LARGE1: variants seen among roughly 807,000 people sequenced by gnomAD.
LARGE1 encodes the protein LARGE xylosyl- and glucuronyltransferase 1.
Under a neutral mutation model 87.6 loss-of-function variants are expected in LARGE1, and 43 were observed. That is an observed-to-expected ratio of 0.49 (90% CI 0.38 to 0.63). LARGE1 has a LOEUF of 0.63. Ranked by LOEUF, LARGE1 falls within the 30% of genes least tolerant of loss-of-function variation. The probability of loss-of-function intolerance (pLI) is 0.00; values close to 1 mark genes in which losing one functional copy is unlikely to be tolerated. For missense variants in LARGE1, 802 were observed against 1,000.2 expected (o/e 0.80, Z 2.67); for synonymous variants, 434 against 394.6 (o/e 1.10, Z -1.18).
chr22:33,737,297 T>TGA (rs2083689225), intron 2 of LARGE1, among the ~76,000 whole-genome samples: 1 of 152,198 alleles, frequency 6.6e-6, no homozygotes, highest in Non-Finnish European at 1.5e-5. Context: ...CTGAACTCAC[T>TGA]GAGCATTTAC....
At chr22:33,285,495 G>T (rs1442380873) in intron 12 of LARGE1, among the ~76,000 whole-genome samples, 1 of 152,106 alleles carries the variant, frequency 6.6e-6, no homozygotes, top group East Asian at 1.9e-4. Flanking sequence ...GTGGTGGGGG[G>T]TGCTGGTAGT....
intron 6 of LARGE1, among the ~76,000 whole-genome samples, chr22:33,530,777 G>T (rs571735603): frequency 6.6e-6 from 1 of 152,338 alleles, no homozygotes; most frequent in East Asian, 1.9e-4. Flanking sequence ...GTGATGAACT[G>T]TCATGCAGAT....
chr22:33,541,055 G>A (rs1216394584), intron 6 of LARGE1, among the ~76,000 whole-genome samples: 1 of 37,472 alleles, frequency 2.7e-5, no homozygotes, highest in Non-Finnish European at 5.3e-5. Flanking sequence ...GGTGGGTTGC[G>A]GGGGGGGGGG....
intron 6 of LARGE1, among the ~76,000 whole-genome samples, chr22:33,528,893 G>C (rs963689915): frequency 5.3e-5 from 8 of 152,118 alleles, no homozygotes; most frequent in African/African-American, 1.9e-4. Flanking sequence ...CATTTATTGA[G>C]TGTCTACTAT....
intron 1 of LARGE1, among the ~76,000 whole-genome samples, chr22:33,878,129 C>CTTTTTTTTTTTTTTTTTTTTTATTTT (rs2064535035): frequency 9.0e-5 from 4 of 44,652 alleles, no homozygotes; most frequent in Non-Finnish European, 5.1e-5. Flanking sequence ...TATTGTATTT[C>CTTTTTTTTTTTTTTTTTTTTTATTTT]TTTTTTTTTT....
At chr22:33,905,519 T>C (rs541340383) in intron 1 of LARGE1, among the ~76,000 whole-genome samples, 6 of 152,300 alleles carry the variant, frequency 3.9e-5, no homozygotes, top group African/African-American at 1.4e-4. Flanking sequence ...CACATCACAG[T>C]TTTAAATGGA....
At chr22:33,251,779 T>C (rs1292459706) in intron 11 of LARGE1, among the ~76,000 whole-genome samples, 5 of 152,200 alleles carry the variant, frequency 3.3e-5, no homozygotes, top group Non-Finnish European at 5.9e-5. Context: ...GTCTTTCAGC[T>C]CAGTCTCTCA....
intron 11 of LARGE1, among the ~76,000 whole-genome samples, chr22:33,243,142 T>A (rs758241059): frequency 5.9e-5 from 9 of 152,190 alleles, no homozygotes; most frequent in Non-Finnish European, 1.3e-4. Flanking sequence ...TGAATTTGCA[T>A]GGGGGGCAGT....
intron 2 of LARGE1, among the ~76,000 whole-genome samples, chr22:33,741,307 G>A (rs936828948): frequency 1.3e-5 from 2 of 152,164 alleles, no homozygotes; most frequent in African/African-American, 4.8e-5. Flanking sequence ...CAAATTAAGT[G>A]TCAGAAATAG....
Position 33,717,970 on chromosome 22 carries a change from C to T in LARGE1, c.106+43401G>A, listed in dbSNP as rs1017088476. Among the ~76,000 whole-genome samples the T allele has an allele frequency of 4.6e-5, 7 of 152,150 alleles. 1 individual carries two copies. The highest frequency in any genetic ancestry group is 1.5e-5 in the Non-Finnish European group (1 of 68,030). ...CACTCTGTTTTCATTCCTCCCATCT[C>T]GGCTCTAAAAGTTCCCTTTCTAATC... is the stretch of plus-strand genomic sequence containing the variant. On this transcript the variant is annotated intron_variant, in intron 2 of 14. Coordinates refer to ENST00000397394, the MANE Select transcript of LARGE1 (RefSeq NM_133642.5).
At chr22:33,601,370 G>A (rs921661133) in intron 5 of LARGE1, among the ~76,000 whole-genome samples, 2 of 152,148 alleles carry the variant, frequency 1.3e-5, no homozygotes, top group African/African-American at 4.8e-5. Flanking sequence ...AAGGGACAAA[G>A]ATGAGCTCTC....
chr22:33,616,448 C>G (rs904059367), intron 4 of LARGE1, among the ~76,000 whole-genome samples: 2 of 151,952 alleles, frequency 1.3e-5, no homozygotes, highest in African/African-American at 4.8e-5. Context: ...AGGAGGATTG[C>G]TTGAACCCAA....
chr22:33,455,390 TATTA>T (rs1168584595), intron 6 of LARGE1, among the ~76,000 whole-genome samples: 1 of 152,204 alleles, frequency 6.6e-6, no homozygotes, highest in Non-Finnish European at 1.5e-5. Context: ...TATGTACATC[TATTA>T]ATTAGCAGTG....
At chr22:33,385,820 G>A (rs9621688) in intron 7 of LARGE1, among the ~76,000 whole-genome samples, 1 of 148,286 alleles carries the variant, frequency 6.7e-6, no homozygotes, top group Non-Finnish European at 1.5e-5. Context: ...TAGCTCAGCA[G>A]AATGGTCAGT....
chr22:33,558,197 A>G (rs2077750874), intron 6 of LARGE1, among the ~76,000 whole-genome samples: 1 of 152,198 alleles, frequency 6.6e-6, no homozygotes, highest in Admixed American at 6.5e-5. Flanking sequence ...GCCAGCCAAG[A>G]AGGGAAGCCT....
chr22:33,230,481 G>GA (rs1316149093), intron 11 of LARGE1, among the ~76,000 whole-genome samples: 1 of 151,910 alleles, frequency 6.6e-6, no homozygotes, highest in Non-Finnish European at 1.5e-5. Flanking sequence ...GAAAATCAGA[G>GA]AAAAAAACAG....
intron 11 of LARGE1, among the ~76,000 whole-genome samples, chr22:33,241,619 T>C (rs73166221): frequency 0.019 from 2,819 of 152,026 alleles, 43 homozygotes; most frequent in Middle Eastern, 0.031. Flanking sequence ...TGTATCTATG[T>C]ACATATATGT....
chr22:33,502,728 C>T (rs2070529879), intron 6 of LARGE1, among the ~76,000 whole-genome samples: 1 of 152,042 alleles, frequency 6.6e-6, no homozygotes, highest in South Asian at 2.1e-4. Context: ...GCCACCACGC[C>T]TGGCTAATTT....
chr22:33,361,384 G>A (rs951414395), intron 9 of LARGE1, among the ~76,000 whole-genome samples: 4 of 149,512 alleles, frequency 2.7e-5, no homozygotes, highest in African/African-American at 9.8e-5. Flanking sequence ...ATTCCAGAAA[G>A]AGCTCAATGC....
Sources: allele counts gnomAD v4.1 joint callset (sites outside exome capture counted in the v4.1 genomes callset), GRCh38; gene constraint gnomAD v4.1.1; transcripts MANE v1.5; gene names NCBI Gene and HGNC (gene_info 2026-07-23, HGNC 2026-07-21).